Variants in F5 observed in about 807,000 individuals in gnomAD.
F5 encodes the protein coagulation factor V.
Under a neutral mutation model 216.4 loss-of-function variants are expected in F5, and 138 were observed. That is an observed-to-expected ratio of 0.64 (90% confidence interval 0.56 to 0.73). F5 has a LOEUF of 0.73. Among genes scored for constraint, F5 ranks in the 30% least tolerant of loss-of-function variants. F5 has a pLI of 0.00. For synonymous variants in F5, 916 were observed against 930.7 expected (o/e 0.98, Z 0.29); for missense variants, 2,403 against 2,674.0 (o/e 0.90, Z 2.24).
At chr1:169,575,968 A>T (rs949374116) in intron 2 of F5, among the ~76,000 whole-genome samples, 3 of 152,092 alleles carry the variant, frequency 2.0e-5, no homozygotes, top group African/African-American at 7.2e-5. Flanking sequence ...TATCAGAGGG[A>T]TGCAGGAGAA....
At position 169,540,736 on chromosome 1, in the gene F5, T is replaced by C. The variant is rs1659814213; in HGVS notation, c.4354A>G (p.Ser1452Gly). 1 of 1,613,818 alleles carries C rather than the reference T, an allele frequency of 6.2e-7. No individual in the cohort carries two copies. Among genetic ancestry groups the C allele is most frequent in the African/African-American group, 1.3e-5 (1 of 74,908 alleles). Residue 1452 changes from serine to glycine, a missense_variant, in exon 13 of 25, where the codon AGC becomes GGC. By Grantham distance (56) the Ser-to-Gly change is moderately conservative. Transcript: ENST00000367797. ...AGGTCTGGAGGAGGTGATATCTGGC[T>C]GAGATCCGGGAGAAGGGTGGTGTCA... is the stretch of plus-strand genomic sequence containing the variant. ...ISDTTLLPDL[S>G]QISPPPDLDQ...
At position 169,512,260 on chromosome 1, in the gene F5, C is replaced by G. The variant is rs886045534; in HGVS notation, c.*2053G>C. 1.3e-4 allele frequency among the ~76,000 whole-genome samples: 19 copies of G among 151,940 alleles called. No individual in the cohort carries two copies. Among genetic ancestry groups the G allele is most frequent in the Admixed American group, 1.2e-3 (18 of 15,210 alleles). The stretch of plus-strand genomic sequence containing the variant: ...GTTTAATCTTTGGGGCCTTATTTTT[C>G]TCAAGTAGAGAATAACGAAGCTGGA... On this transcript the variant is annotated 3_prime_UTR_variant, in exon 25 of 25. Transcript: ENST00000367797.
intron 4 of F5, among the ~76,000 whole-genome samples, chr1:169,559,603 T>C (rs767615935): frequency 6.6e-6 from 1 of 152,062 alleles, no homozygotes; most frequent in African/African-American, 2.4e-5. Flanking sequence ...CCAGTCTCAA[T>C]AGAAGAGTAT....
chr1:169,549,867 G>T lies in F5; in HGVS notation c.1545C>A (p.Ile515=). The change falls in exon 10 of 25, where the codon ATC becomes ATA. Residue 515 remains isoleucine, a synonymous_variant. Coordinates refer to ENST00000367797, the MANE Select transcript of F5 (RefSeq NM_000130.5). Reference sequence around the variant, plus strand: ...GAAGTAGTCCTATTAGCCCAGAGGCGATGTCTCTCATGATGTCCACGTCAC... The same window carrying T: ...GAAGTAGTCCTATTAGCCCAGAGGCTATGTCTCTCATGATGTCCACGTCAC... ...YYSDVDIMRD[I]ASGLIGLLLI... The T allele has an allele frequency of 6.2e-7, 1 of 1,614,074 alleles. No homozygotes were observed. Among genetic ancestry groups the T allele is most frequent in the Non-Finnish European group, 8.5e-7 (1 of 1,179,988 alleles).
rs377357737 is a variant in F5 at position 169,518,399 on chromosome 1, G to A, written c.6345+13C>T. 3.0e-5 allele frequency: 49 copies of A among 1,613,316 alleles called. No individual in the cohort carries two copies. In the African/African-American group the frequency reaches 6.0e-4, roughly 20 times the overall value. ...GAGCCCTAAGAGAACACCATGCATAGAGTATACTTGACCTTGGCTTGCCAG... is the reference window on the plus strand; with the variant it reads ...GAGCCCTAAGAGAACACCATGCATAAAGTATACTTGACCTTGGCTTGCCAG... On this transcript the variant is annotated intron_variant, in intron 23 of 24. Transcript: ENST00000367797.
At position 169,556,655 on chromosome 1, in the gene F5, G is replaced by A; in HGVS notation, c.943C>T (p.His315Tyr). 1 of 1,614,038 alleles carries A rather than the reference G, an allele frequency of 6.2e-7. No individual in the cohort carries two copies. Among genetic ancestry groups the A allele is most frequent in the Non-Finnish European group, 8.5e-7 (1 of 1,179,954 alleles). ...KWIISSLTPK[H>Y]LQAGMQAYID... ...CAGGAGAGTTTCTTGCCTTGCAAAT[G>A]TTTTGGGGTGAGAGAAGATATGATC... Residue 315 changes from histidine (H) to tyrosine (Y), a missense_variant, in exon 6 of 25, where the codon CAT becomes TAT. His to Tyr is a moderately conservative substitution (Grantham distance 83, BLOSUM62 2). Around this residue, in one of 4 missense-constraint regions of F5, gnomAD observed 1,425 missense variants for 1,554.8 expected, o/e 0.92. Coordinates refer to ENST00000367797, the MANE Select transcript of F5 (RefSeq NM_000130.5).
intron 23 of F5, among the ~76,000 whole-genome samples, chr1:169,517,383 A>G (rs540940914): frequency 6.6e-6 from 1 of 152,286 alleles, no homozygotes; most frequent in Admixed American, 6.5e-5. Context: ...ACTGTGTGGA[A>G]TCCAATCTTT....
At chr1:169,527,109 A>G (rs989035991) in intron 17 of F5, among the ~76,000 whole-genome samples, 1 of 152,154 alleles carries the variant, frequency 6.6e-6, no homozygotes, top group Admixed American at 6.6e-5. Flanking sequence ...AGGTTGGTGC[A>G]AACTATAATT....
chr1:169,530,760 G>T, intron 15 of F5, 26 bp downstream of exon 15: 1 of 1,598,540 alleles, frequency 6.3e-7, no homozygotes, highest in South Asian at 1.1e-5. Flanking sequence ...AGGGGAATGA[G>T]AAAAACTTTC....
rs780349797 is a variant in F5, at chr1:169,541,923, T to C, written c.3167A>G (p.Tyr1056Cys). 3 of 1,614,050 alleles carry C rather than the reference T, an allele frequency of 1.9e-6. No individual in the cohort carries two copies. The African/African-American group carries it at 4.0e-5, about 22-fold the overall frequency. Residue 1056 changes from tyrosine (Y) to cysteine (C), a missense_variant, in exon 13 of 25, where the codon TAC becomes TGC. Coordinates refer to ENST00000367797, the MANE Select transcript of F5 (RefSeq NM_000130.5). Reference protein sequence around the residue: ...RTFHPLRSEAYNTFSERRLKH... With the variant: ...RTFHPLRSEACNTFSERRLKH... ...AAGTCTTCTTTCTGAAAATGTGTTG[T>C]AGGCTTCACTTCTTAGAGGGTGAAA...
intron 1 of F5, among the ~76,000 whole-genome samples, chr1:169,584,340 T>G (rs1291946255): frequency 6.6e-6 from 1 of 152,224 alleles, no homozygotes; most frequent in Non-Finnish European, 1.5e-5. Flanking sequence ...AGTTTTTCAT[T>G]TATAAGGATT....
At position 169,525,960 on chromosome 1, in the gene F5, G is replaced by A; in HGVS notation, c.5657C>T (p.Thr1886Ile). 1 of 1,613,318 alleles carries A rather than the reference G, an allele frequency of 6.2e-7. No individual in the cohort carries two copies. The highest frequency in any genetic ancestry group is 8.5e-7 in the Non-Finnish European group (1 of 1,179,430). ...TGCTCTCTGGTTTTCTCCAACCTCTGTGTTTAGGAGCCACCAGCCAGGTTT... is the reference window on the plus strand; with the variant it reads ...TGCTCTCTGGTTTTCTCCAACCTCTATGTTTAGGAGCCACCAGCCAGGTTT... ...ASKPGWWLLN[T>I]EVGENQRAGM... Residue 1886 changes from threonine to isoleucine, a missense_variant, in exon 18 of 25, where the codon ACA becomes ATA. By Grantham distance (89) the Thr-to-Ile change is moderately conservative (BLOSUM62 -1). Around this residue, in one of 4 missense-constraint regions of F5, gnomAD observed 659 missense variants for 787.9 expected, o/e 0.84. Transcript: ENST00000367797.
intron 2 of F5, among the ~76,000 whole-genome samples, chr1:169,581,433 G>GGGTCAA (rs1571605102): frequency 6.6e-6 from 1 of 151,526 alleles, no homozygotes; most frequent in East Asian, 1.9e-4. Flanking sequence ...AAGGCAGGCA[G>GGGTCAA]GGTCAAGGGG....
chr1:169,539,892 A>G (rs1004364501), intron 13 of F5, among the ~76,000 whole-genome samples: 1 of 152,194 alleles, frequency 6.6e-6, no homozygotes, highest in Non-Finnish European at 1.5e-5. Flanking sequence ...CTAAACAAGT[A>G]AATGCAAAAA....
intron 11 of F5, 40 bp downstream of exon 11, chr1:169,546,402 G>A: frequency 6.2e-7 from 1 of 1,612,378 alleles, no homozygotes; most frequent in Non-Finnish European, 8.5e-7. Context: ...TCAACCACAG[G>A]AATGAAAAAC....
At chr1:169,560,433 G>T in intron 4 of F5, 121 bp downstream of exon 4, 2 of 874,638 alleles carry the variant, frequency 2.3e-6, no homozygotes, top group Non-Finnish European at 1.9e-6. Flanking sequence ...TGGTCTCCGT[G>T]CCGTCTTCCT....
At chr1:169,526,245 A>G (rs1659447150) in intron 17 of F5, among the ~76,000 whole-genome samples, 1 of 152,172 alleles carries the variant, frequency 6.6e-6, no homozygotes, top group South Asian at 2.1e-4. Context: ...ACCTCACTAG[A>G]AGAAACTTTC....
rs923817249 is a variant in F5, at chr1:169,513,348, G to T, written c.*965C>A. On this transcript the variant is annotated 3_prime_UTR_variant, in exon 25 of 25. Transcript: ENST00000367797. ...CATGTGATTTTAAGGATGTCTAAAG[G>T]TTCCCCAGTTGTGCAATATCTACAG... Among the ~76,000 whole-genome samples the T allele has an allele frequency of 6.6e-6, 1 of 151,876 alleles. No homozygotes were observed. Among genetic ancestry groups the T allele is most frequent in the African/African-American group, 2.4e-5 (1 of 41,356 alleles).
In F5 at chr1:169,544,511, G is replaced by A; in HGVS notation, c.1763-3C>T. 1.9e-6 allele frequency: 3 copies of A among 1,612,804 alleles called. No homozygotes were observed. The highest frequency in any genetic ancestry group is 2.5e-6 in the Non-Finnish European group (3 of 1,179,072). On this transcript the variant is annotated splice_region_variant and splice_polypyrimidine_tract_variant and intron_variant, in intron 11 of 24. Coordinates refer to ENST00000367797, the MANE Select transcript of F5 (RefSeq NM_000130.5). ...CTCAGGCACATAGCCATTGATAGCT[G>A]AAAGTGTAAAATCTGTTAAAATTCC... is the stretch of plus-strand genomic sequence containing the variant.
Sources: gnomAD v4.1 joint callset for allele counts (sites outside exome capture counted in the v4.1 genomes callset) on GRCh38, gnomAD v4.1.1 for gene constraint, gnomAD v4.1.1 regional missense constraint, MANE v1.5 for transcripts, NCBI Gene and HGNC (gene_info 2026-07-23, HGNC 2026-07-21) for gene names.